SEPTIN9: variants seen among roughly 807,000 people sequenced by gnomAD.
The protein encoded by SEPTIN9 is septin 9.
In SEPTIN9, 13 loss-of-function variants were observed where a neutral mutation model predicts 56.6. That is an observed-to-expected ratio of 0.23 (90% confidence interval 0.15 to 0.37). The LOEUF (loss-of-function observed/expected upper bound fraction) is 0.37, where lower values mean the gene tolerates loss of function less well. Ranked by LOEUF, SEPTIN9 falls within the 10% of genes least tolerant of loss-of-function variation. SEPTIN9 has a pLI of 1.00. For missense variants in SEPTIN9, 650 were observed against 823.1 expected (o/e 0.79, Z 2.57); for synonymous variants, 332 against 334.1 (o/e 0.99, Z 0.07).
At chr17:77,467,941 G>A (rs2038821041) in intron 3 of SEPTIN9, among the ~76,000 whole-genome samples, 1 of 152,146 alleles carries the variant, frequency 6.6e-6, no homozygotes, top group African/African-American at 2.4e-5. Context: ...ACAGACCCCA[G>A]ACAGCAATCG....
chr17:77,347,495 T>A (rs2033926460), intron 2 of SEPTIN9, among the ~76,000 whole-genome samples: 1 of 152,110 alleles, frequency 6.6e-6, no homozygotes, highest in South Asian at 2.1e-4. Flanking sequence ...GCATACACAT[T>A]TATGATTATA....
At chr17:77,373,722 T>C (rs2034807479) in intron 2 of SEPTIN9, 1 of 1,292,628 alleles carries the variant, frequency 7.7e-7, no homozygotes, top group African/African-American at 1.6e-5. Flanking sequence ...CCCGGCCCCG[T>C]GCCCGCGCCG....
intron 3 of SEPTIN9, among the ~76,000 whole-genome samples, chr17:77,466,054 TCACACACACACACACACACACACACA>T (rs10599395): frequency 5.1e-4 from 65 of 127,476 alleles, no homozygotes; most frequent in African/African-American, 1.8e-3. Context: ...TTCTGGACTG[TCACACACACACACACACACACACACA>T]CACACACACA....
At chr17:77,362,728 G>A (rs181504277) in intron 2 of SEPTIN9, among the ~76,000 whole-genome samples, 3 of 152,202 alleles carry the variant, frequency 2.0e-5, no homozygotes, top group African/African-American at 4.8e-5. Context: ...TTCGTCACAC[G>A]CTTGTGGCTC....
chr17:77,472,268 C>T (rs922605353), intron 3 of SEPTIN9, among the ~76,000 whole-genome samples: 2 of 152,192 alleles, frequency 1.3e-5, no homozygotes, highest in African/African-American at 4.8e-5. Context: ...CCAATTGAAA[C>T]CGTGCTGGCA....
At chr17:77,380,997 T>C (rs1382690830) in intron 2 of SEPTIN9, among the ~76,000 whole-genome samples, 1 of 152,312 alleles carries the variant, frequency 6.6e-6, no homozygotes, top group East Asian at 1.9e-4. Flanking sequence ...GGCAGGTCTT[T>C]CTGATTCTGT....
At chr17:77,315,819 A>G (rs2032682660) in intron 2 of SEPTIN9, among the ~76,000 whole-genome samples, 1 of 152,236 alleles carries the variant, frequency 6.6e-6, no homozygotes, top group South Asian at 2.1e-4. Context: ...ATGTCGCAGA[A>G]AAGTGGCCAG....
At chr17:77,423,698 C>A (rs116888109) in intron 3 of SEPTIN9, among the ~76,000 whole-genome samples, 276 of 152,360 alleles carry the variant, frequency 1.8e-3, no homozygotes, top group Non-Finnish European at 3.4e-3. Context: ...GCCCCCGTCG[C>A]GTTCCTGCTG....
Position 77,429,280 on chromosome 17 carries a change from T to C in SEPTIN9, c.721+26577T>C, listed in dbSNP as rs1340915619. 4.2e-6 allele frequency: 2 copies of C among 471,294 alleles called. No individual in the cohort carries two copies. Among genetic ancestry groups the C allele is most frequent in the East Asian group, 1.4e-4 (2 of 14,400 alleles). The allele number at this position is 471,294 out of a possible 1,614,324, so 29.2% of individuals were successfully genotyped here. On this transcript the variant is annotated intron_variant, in intron 3 of 11. Transcript: ENST00000427177. This position sits in a 1 kb window ranked among gnomAD's most constrained non-coding sequence, Gnocchi z 5.2. ...CTTGATCTGACCGTAATTTTGATGGTGCCGATGCCGTCAGCACGCAGGCCT... is the reference window on the plus strand; with the variant it reads ...CTTGATCTGACCGTAATTTTGATGGCGCCGATGCCGTCAGCACGCAGGCCT...
At chr17:77,325,532 G>A (rs1342766871) in intron 2 of SEPTIN9, among the ~76,000 whole-genome samples, 1 of 152,186 alleles carries the variant, frequency 6.6e-6, no homozygotes, top group East Asian at 1.9e-4. Context: ...AGCCTGGGCC[G>A]TCTTTCTAGG....
At chr17:77,328,708 C>T (rs1173848202) in intron 2 of SEPTIN9, among the ~76,000 whole-genome samples, 4 of 152,182 alleles carry the variant, frequency 2.6e-5, no homozygotes, top group African/African-American at 9.7e-5. Context: ...TGCAGCCCCT[C>T]TCTTAGGTGC....
In SEPTIN9 at chr17:77,367,183, C is replaced by A. The variant is rs368402337; in HGVS notation, c.77-34876C>A. ...CTGAAAGAGACTTAGTGGTCCACAG[C>A]CTGGTGGCTGCTCCCAGTACAGGTG... On this transcript the variant is annotated intron_variant, in intron 2 of 11. Transcript: ENST00000427177. This position sits in a 1 kb window ranked among gnomAD's most constrained non-coding sequence, Gnocchi z 4.5. Among the ~76,000 whole-genome samples the A allele has an allele frequency of 7.2e-5, 11 of 152,312 alleles. No individual in the cohort carries two copies. The highest frequency in any genetic ancestry group is 2.6e-4 in the African/African-American group (11 of 41,580).
At position 77,417,748 on chromosome 17, in the gene SEPTIN9, G is replaced by A. The variant is rs189705536; in HGVS notation, c.721+15045G>A. Among the ~76,000 whole-genome samples the A allele has an allele frequency of 1.8e-4, 28 of 152,330 alleles. 1 individual carries two copies. The highest frequency in any genetic ancestry group is 3.4e-3 in the Middle Eastern group (1 of 294). The stretch of plus-strand genomic sequence containing the variant: ...TCTGTCTATATCCGCATTCATGTGA[G>A]GGCACTCATAGGTCCACCGTCCAGC... On this transcript the variant is annotated intron_variant, in intron 3 of 11. Coordinates refer to ENST00000427177, the MANE Select transcript of SEPTIN9 (RefSeq NM_001113491.2).
intron 3 of SEPTIN9, among the ~76,000 whole-genome samples, chr17:77,438,203 C>T (rs78977665): frequency 0.016 from 2,397 of 152,312 alleles, 69 homozygotes; most frequent in African/African-American, 0.055. Flanking sequence ...CTGCTCCAGG[C>T]ACTGCACACA....
intron 3 of SEPTIN9, among the ~76,000 whole-genome samples, chr17:77,477,134 C>T (rs1472842442): frequency 6.6e-6 from 1 of 151,624 alleles, no homozygotes; most frequent in Non-Finnish European, 1.5e-5. Flanking sequence ...CCCTCCTTCC[C>T]TTCTTTCCCT....
Position 77,487,651 on chromosome 17 carries a change from G to A in SEPTIN9, c.1042+99G>A. On this transcript the variant is annotated intron_variant, in intron 5 of 11. Coordinates refer to ENST00000427177, the MANE Select transcript of SEPTIN9 (RefSeq NM_001113491.2). This position sits in a 1 kb window ranked among gnomAD's most constrained non-coding sequence, Gnocchi z 4.3. ...CCATCACACACAGTCAGTGGCCAGGGGCGGGCTGGGGGTGCAGGACTCCTC... is the reference window on the plus strand; with the variant it reads ...CCATCACACACAGTCAGTGGCCAGGAGCGGGCTGGGGGTGCAGGACTCCTC... The A allele has an allele frequency of 3.4e-6, 3 of 894,462 alleles. No individual in the cohort carries two copies. Among genetic ancestry groups the A allele is most frequent in the Non-Finnish European group, 4.6e-6 (3 of 648,632 alleles). The allele number at this position is 894,462 out of a possible 1,614,324, so 55.4% of individuals were successfully genotyped here.
At chr17:77,495,190 T>C (rs527314746) in intron 10 of SEPTIN9, among the ~76,000 whole-genome samples, 1 of 151,890 alleles carries the variant, frequency 6.6e-6, no homozygotes, top group South Asian at 2.1e-4. Context: ...AAGAGAGAGG[T>C]CCCCGCACCT....
rs1480814772 is a variant in SEPTIN9 at position 77,436,802 on chromosome 17, TGGTAAGGACACCCA to T, written c.721+34102_721+34115del. ...CAGGGTGAGCTGCCCATTCTGGCCC[TGGTAAGGACACCCA>T]GGAGAGGGCCAGGGTGCCTGTATTT... is the stretch of plus-strand genomic sequence containing the variant. On this transcript the variant is annotated intron_variant, in intron 3 of 11. Coordinates refer to ENST00000427177, the MANE Select transcript of SEPTIN9 (RefSeq NM_001113491.2). This position sits in a 1 kb window ranked among gnomAD's most constrained non-coding sequence, Gnocchi z 4.4. Among the ~76,000 whole-genome samples, 1 of 152,172 alleles carries T rather than the reference TGGTAAGGACACCCA, an allele frequency of 6.6e-6. No individual in the cohort carries two copies. The highest frequency in any genetic ancestry group is 2.4e-5 in the African/African-American group (1 of 41,426).
Position 77,456,056 on chromosome 17 carries a change from C to A in SEPTIN9, c.722-26088C>A, listed in dbSNP as rs567098952. 6.6e-6 allele frequency among the ~76,000 whole-genome samples: 1 copy of A among 152,296 alleles called. No homozygotes were observed. The highest frequency in any genetic ancestry group is 1.5e-5 in the Non-Finnish European group (1 of 68,024). On this transcript the variant is annotated intron_variant, in intron 3 of 11. Coordinates refer to ENST00000427177, the MANE Select transcript of SEPTIN9 (RefSeq NM_001113491.2). The surrounding 1 kb of genome is among the most constrained non-coding windows in gnomAD (Gnocchi z 6.0). ...GGAGGGTCTTGGGGCAGGATGGTGT[C>A]TTTTGTGCCTTGTGTGCTGGGGCCG...
Sources: allele counts gnomAD v4.1 joint callset (sites outside exome capture counted in the v4.1 genomes callset), GRCh38; gene constraint gnomAD v4.1.1; non-coding constraint Gnocchi (gnomAD v3.1); transcripts MANE v1.5; gene names NCBI Gene and HGNC (gene_info 2026-07-23, HGNC 2026-07-21).